The following PLCB4 variants were observed in gnomAD, a reference collection of about 807,000 sequenced individuals.
The protein encoded by PLCB4 is 1-phosphatidylinositol 4,5-bisphosphate phosphodiesterase beta-4.
Under a neutral mutation model 178.8 loss-of-function variants are expected in PLCB4, and 77 were observed. That is an observed-to-expected ratio of 0.43 (90% CI 0.36 to 0.52). The LOEUF (loss-of-function observed/expected upper bound fraction) is 0.52. PLCB4 is among the 20% of genes least tolerant of loss of function. The pLI, the probability that PLCB4 is intolerant of heterozygous loss-of-function variation, is 0.00. For missense variants in PLCB4, 1,024 were observed against 1,453.4 expected (o/e 0.70, Z 4.80); for synonymous variants, 496 against 490.8 (o/e 1.01, Z -0.14).
chr20:9,131,245 T>C (rs893125558), intron 2 of PLCB4, among the ~76,000 whole-genome samples: 2 of 152,114 alleles, frequency 1.3e-5, no homozygotes, highest in African/African-American at 4.8e-5. Context: ...TCAATCTCTC[T>C]TCCCTCTTTC....
intron 2 of PLCB4, among the ~76,000 whole-genome samples, chr20:9,118,338 A>G (rs1006874108): frequency 6.6e-6 from 1 of 150,844 alleles, no homozygotes; most frequent in Non-Finnish European, 1.5e-5. Context: ...ATAAAATATG[A>G]GAACAGAGCA....
At chr20:9,167,834 A>G (rs749496921) in intron 2 of PLCB4, among the ~76,000 whole-genome samples, 1 of 152,240 alleles carries the variant, frequency 6.6e-6, no homozygotes, top group East Asian at 1.9e-4. Flanking sequence ...ACATGTAGTT[A>G]TGAAACAAAC....
At chr20:9,317,532 C>T (rs1252779600) in intron 4 of PLCB4, among the ~76,000 whole-genome samples, 3 of 152,158 alleles carry the variant, frequency 2.0e-5, no homozygotes, top group Non-Finnish European at 2.9e-5. Context: ...GAAATAGTGT[C>T]TCAGTCAGTT....
chr20:9,170,676 C>T (rs2093049821), intron 2 of PLCB4, among the ~76,000 whole-genome samples: 1 of 152,162 alleles, frequency 6.6e-6, no homozygotes, highest in Non-Finnish European at 1.5e-5. Context: ...AATGATAATT[C>T]ATGACATTCC....
At chr20:9,280,198 G>A (rs962606626) in intron 3 of PLCB4, among the ~76,000 whole-genome samples, 10 of 151,998 alleles carry the variant, frequency 6.6e-5, no homozygotes, top group Admixed American at 2.0e-4. Context: ...GATTAATAAG[G>A]TGCTTAGGTC....
chr20:9,203,052 A>ATATATATAT (rs1555875389), intron 2 of PLCB4, among the ~76,000 whole-genome samples: 6 of 131,212 alleles, frequency 4.6e-5, no homozygotes, highest in African/African-American at 1.6e-4. Flanking sequence ...AAAAAAAAAA[A>ATATATATAT]AAAAATATAT....
At chr20:9,297,180 A>AT (rs1012339171) in intron 3 of PLCB4, among the ~76,000 whole-genome samples, 13 of 151,638 alleles carry the variant, frequency 8.6e-5, no homozygotes, top group Non-Finnish European at 1.3e-4. Flanking sequence ...CCATATATAT[A>AT]TTTTTTTGCT....
intron 3 of PLCB4, among the ~76,000 whole-genome samples, chr20:9,260,661 A>G (rs80068372): frequency 0.027 from 4,106 of 152,242 alleles, 191 homozygotes; most frequent in African/African-American, 0.092. Flanking sequence ...TGCATATATA[A>G]TAACTAGGAC....
rs539028869 is a variant in PLCB4, at chr20:9,355,361, G to C, written c.370-7535G>C. On this transcript the variant is annotated intron_variant, in intron 7 of 39. Transcript: ENST00000378473. ...CACAATGTGCAGGTTAGTTACATAT[G>C]TATACATGTACCATGCTGGTGTGCT... Among the ~76,000 whole-genome samples the C allele has an allele frequency of 2.6e-5, 4 of 152,038 alleles. No homozygotes were observed. In the South Asian group the frequency reaches 8.3e-4, roughly 32 times the overall value.
At chr20:9,225,496 C>G (rs2093852449) in intron 3 of PLCB4, among the ~76,000 whole-genome samples, 1 of 152,098 alleles carries the variant, frequency 6.6e-6, no homozygotes, top group Non-Finnish European at 1.5e-5. Context: ...AGCCGTTGCC[C>G]TTAGATTTTG....
chr20:9,284,877 A>G (rs61377489), intron 3 of PLCB4, among the ~76,000 whole-genome samples: 4,606 of 152,098 alleles, frequency 0.03, 200 homozygotes, highest in African/African-American at 0.097. Flanking sequence ...AACCAGGTCT[A>G]GAGCTCTGCT....
chr20:9,175,047 A>G (rs1257159598), intron 2 of PLCB4, among the ~76,000 whole-genome samples: 1 of 152,184 alleles, frequency 6.6e-6, no homozygotes, highest in African/African-American at 2.4e-5. Context: ...TTCCAGAACT[A>G]TAGTAGGACA....
At chr20:9,425,114 A>G (rs2040908635) in intron 28 of PLCB4, among the ~76,000 whole-genome samples, 1 of 152,142 alleles carries the variant, frequency 6.6e-6, no homozygotes, top group African/African-American at 2.4e-5. Flanking sequence ...ACAACCCATA[A>G]AAAGCCTGGA....
At chr20:9,131,247 C>T (rs1455809525) in intron 2 of PLCB4, among the ~76,000 whole-genome samples, 1 of 152,044 alleles carries the variant, frequency 6.6e-6, no homozygotes, top group Non-Finnish European at 1.5e-5. Flanking sequence ...AATCTCTCTT[C>T]CCTCTTTCTC....
chr20:9,098,763 G>GTGTA (rs1283771888), intron 2 of PLCB4, among the ~76,000 whole-genome samples: 1,600 of 146,810 alleles, frequency 0.011, 28 homozygotes, highest in African/African-American at 0.037. Context: ...GTGTGTGTGT[G>GTGTA]TATATATATA....
intron 19 of PLCB4, among the ~76,000 whole-genome samples, chr20:9,397,466 A>G (rs1406012957): frequency 6.6e-6 from 1 of 152,234 alleles, no homozygotes; most frequent in African/African-American, 2.4e-5. Flanking sequence ...CTTTCTTAAT[A>G]GCATCTAGAA....
At chr20:9,175,197 T>C (rs2093134184) in intron 2 of PLCB4, among the ~76,000 whole-genome samples, 1 of 152,122 alleles carries the variant, frequency 6.6e-6, no homozygotes, top group Admixed American at 6.5e-5. Flanking sequence ...CCCAGAAATC[T>C]ATGTTTTAAC....
chr20:9,266,755 G>T (rs114390435), intron 3 of PLCB4, among the ~76,000 whole-genome samples: 33 of 152,090 alleles, frequency 2.2e-4, no homozygotes, highest in African/African-American at 7.7e-4. Flanking sequence ...AATATTGAGG[G>T]TTTGTTCTGT....
intron 3 of PLCB4, among the ~76,000 whole-genome samples, chr20:9,301,976 A>G (rs2094710329): frequency 6.6e-6 from 1 of 151,932 alleles, no homozygotes; most frequent in Non-Finnish European, 1.5e-5. Context: ...TTCTTTGACA[A>G]TGTAAAGTCT....
Sources: allele counts gnomAD v4.1 joint callset (sites outside exome capture counted in the v4.1 genomes callset), GRCh38; gene constraint gnomAD v4.1.1; transcripts MANE v1.5; gene names NCBI Gene and HGNC (gene_info 2026-07-23, HGNC 2026-07-21).